ZDHHC15: variants seen among roughly 807,000 people sequenced by gnomAD.
ZDHHC15 encodes the protein zDHHC palmitoyltransferase 15.
In ZDHHC15, 19 loss-of-function variants were observed where a neutral mutation model predicts 31.7. The observed-to-expected ratio is 0.60, with a 90% CI of 0.42 to 0.88. The LOEUF (loss-of-function observed/expected upper bound fraction) is 0.88, where lower values mean the gene tolerates loss of function less well. ZDHHC15 is among the 40% of genes least tolerant of loss of function. The pLI is 0.00. For missense variants in ZDHHC15, 209 were observed against 251.2 expected (o/e 0.83, Z 1.14); for synonymous variants, 103 against 90.0 (o/e 1.14, Z -0.82).
intron 4 of ZDHHC15, chrX:75,450,594 G>T (rs930743301): frequency 5.4e-6 from 4 of 739,928 alleles, no homozygotes; most frequent in Non-Finnish European, 7.5e-6. Context: ...GAAGAATCCA[G>T]TTTGGGGTAT....
At chrX:75,488,077 CT>C (rs754030854) in intron 2 of ZDHHC15, among the ~76,000 whole-genome samples, 1 of 112,219 alleles carries the variant, frequency 8.9e-6, no homozygotes, top group South Asian at 3.7e-4. Flanking sequence ...GAAAAAAAAT[CT>C]AAAAGTTCGG....
Position 75,415,020 on chromosome X carries a change from C to T in ZDHHC15, c.967+2067G>A, listed in dbSNP as rs778881147. On this transcript the variant is annotated intron_variant, in intron 10 of 11. Coordinates refer to ENST00000373367, the MANE Select transcript of ZDHHC15 (RefSeq NM_144969.3). The stretch of plus-strand genomic sequence containing the variant: ...AACTTCTCACCTCAGGTGATCTGCC[C>T]GCCTCAGCCTCCCAAAGTGCTGGGA... 1.0e-4 allele frequency among the ~76,000 whole-genome samples: 11 copies of T among 105,578 alleles called. No homozygotes were observed. The South Asian group carries it at 1.7e-3, about 16-fold the overall frequency. 91.7% of individuals were successfully genotyped at this position (105,578 alleles called of 115,157 possible). A position where few individuals can be genotyped will look rare whatever the true frequency, so the allele number is the denominator to read the frequency against.
At chrX:75,421,441 T>TATATATTA (rs1556003952) in intron 9 of ZDHHC15, among the ~76,000 whole-genome samples, 8 of 65,766 alleles carry the variant, frequency 1.2e-4, no homozygotes, top group Non-Finnish European at 2.0e-4. Context: ...ATAATATATA[T>TATATATTA]TATATATATA....
intron 2 of ZDHHC15, chrX:75,501,495 T>C (rs1033469534): frequency 9.0e-6 from 1 of 111,553 alleles, no homozygotes; most frequent in African/African-American, 3.3e-5. Context: ...CTGGGTCGAA[T>C]GGTATTTCTG....
In ZDHHC15 at chrX:75,374,907, C is replaced by T. The variant is rs762386289; in HGVS notation, c.*33-1962G>A. 1.3e-4 allele frequency among the ~76,000 whole-genome samples: 14 copies of T among 110,192 alleles called. No homozygotes were observed. The South Asian group carries it at 3.5e-3, about 27-fold the overall frequency. On this transcript the variant is annotated intron_variant, in intron 11 of 11. Transcript: ENST00000373367. ...TAAATCAGTGTTTGCCTGGTGATGG[C>T]GCAGGGGTTATTTATAAAAGTGCAG...
chrX:75,406,827 C>A (rs898812215), intron 10 of ZDHHC15, among the ~76,000 whole-genome samples: 3 of 111,333 alleles, frequency 2.7e-5, no homozygotes, highest in Non-Finnish European at 5.7e-5. Flanking sequence ...TACTACTAAA[C>A]TCTACAAGGC....
chrX:75,444,226 C>T (rs1275922602), intron 4 of ZDHHC15, among the ~76,000 whole-genome samples: 1 of 110,059 alleles, frequency 9.1e-6, no homozygotes, highest in East Asian at 2.9e-4. Context: ...CCCAAATGTC[C>T]AACAATGATA....
At chrX:75,415,774 G>T (rs1473817621) in intron 10 of ZDHHC15, among the ~76,000 whole-genome samples, 2 of 112,303 alleles carry the variant, frequency 1.8e-5, no homozygotes, top group Non-Finnish European at 3.8e-5. Context: ...TTTTGAAAAG[G>T]TCTGGAATTG....
intron 11 of ZDHHC15, among the ~76,000 whole-genome samples, chrX:75,375,130 T>G (rs2083046581): frequency 9.0e-6 from 1 of 111,709 alleles, no homozygotes; most frequent in Admixed American, 9.5e-5. Flanking sequence ...GATTTTAATG[T>G]TTTTATACGT....
intron 9 of ZDHHC15, among the ~76,000 whole-genome samples, chrX:75,419,954 TG>T (rs1161440429): frequency 3.3e-5 from 1 of 30,350 alleles, no homozygotes; most frequent in African/African-American, 1.5e-4. Context: ...TGTTGTGGGG[TG>T]GGGGGAGGGG....
rs1318382769 is a variant in ZDHHC15 at position 75,372,463 on chromosome X, G to A, written c.*515C>T. The A allele has an allele frequency of 9.0e-6, 1 of 111,507 alleles. No homozygotes were observed. Among genetic ancestry groups the A allele is most frequent in the Non-Finnish European group, 1.9e-5 (1 of 53,055 alleles). The allele number at this position is 111,507 out of a possible 1,213,427, so 9.2% of individuals were successfully genotyped here. ...AAGCATAATTAAACAAAGGCTTCAG[G>A]TTTTTAGCCCTGATTTTCACACTAT... On this transcript the variant is annotated 3_prime_UTR_variant, in exon 12 of 12. Transcript: ENST00000373367.
chrX:75,493,414 C>G (rs888297765), intron 2 of ZDHHC15, among the ~76,000 whole-genome samples: 1 of 111,858 alleles, frequency 8.9e-6, no homozygotes, highest in Admixed American at 9.5e-5. Context: ...AAGGGGAAAT[C>G]CTCCCTAATT....
At chrX:75,515,921 G>A (rs1246094498) in intron 1 of ZDHHC15, among the ~76,000 whole-genome samples, 3 of 111,127 alleles carry the variant, frequency 2.7e-5, no homozygotes, top group African/African-American at 6.6e-5. Context: ...AAAATCACAA[G>A]CATTCGTATA....
At chrX:75,509,607 G>A (rs2085227731) in intron 1 of ZDHHC15, among the ~76,000 whole-genome samples, 2 of 111,975 alleles carry the variant, frequency 1.8e-5, no homozygotes, top group African/African-American at 6.5e-5. Flanking sequence ...CATATACTTT[G>A]GCATGTATTC....
intron 4 of ZDHHC15, among the ~76,000 whole-genome samples, chrX:75,450,110 TA>T (rs1474491851): frequency 4.6e-4 from 51 of 111,814 alleles, no homozygotes; most frequent in Non-Finnish European, 8.7e-4. Context: ...TACACAGCAA[TA>T]AAAAAATACA....
At chrX:75,454,264 T>G (rs2084177266) in intron 3 of ZDHHC15, among the ~76,000 whole-genome samples, 1 of 111,854 alleles carries the variant, frequency 8.9e-6, no homozygotes, top group Non-Finnish European at 1.9e-5. Flanking sequence ...AGCCAAATCA[T>G]GAGTGAACTC....
chrX:75,489,248 T>G (rs1252601304), intron 2 of ZDHHC15, among the ~76,000 whole-genome samples: 1 of 111,698 alleles, frequency 9.0e-6, no homozygotes, highest in Non-Finnish European at 1.9e-5. Context: ...GAGTAGTGGT[T>G]CTCCCAGCAC....
chrX:75,492,781 A>T (rs1267734344), intron 2 of ZDHHC15, among the ~76,000 whole-genome samples: 1 of 111,976 alleles, frequency 8.9e-6, no homozygotes, highest in Admixed American at 9.5e-5. Flanking sequence ...CATTCAAAGC[A>T]GTGTGTAGAG....
At chrX:75,517,869 G>A (rs780471806) in intron 1 of ZDHHC15, among the ~76,000 whole-genome samples, 1 of 110,402 alleles carries the variant, frequency 9.1e-6, no homozygotes, top group South Asian at 3.8e-4. Context: ...CAGGGCACAC[G>A]CCTGTAGCCC....
Sources: allele counts gnomAD v4.1 joint callset (sites outside exome capture counted in the v4.1 genomes callset), GRCh38; gene constraint gnomAD v4.1.1; transcripts MANE v1.5; gene names NCBI Gene and HGNC (gene_info 2026-07-23, HGNC 2026-07-21).